Variants in ARFGEF1 observed in about 807,000 individuals in gnomAD.
The protein encoded by ARFGEF1 is ARF guanine nucleotide exchange factor 1.
In ARFGEF1, 42 loss-of-function variants were observed where a neutral mutation model predicts 231.0. The observed-to-expected ratio is 0.18, with a 90% CI of 0.14 to 0.24. The LOEUF (loss-of-function observed/expected upper bound fraction) is 0.24. ARFGEF1 is among the 10% of genes least tolerant of loss of function. ARFGEF1 has a pLI of 1.00. For synonymous variants in ARFGEF1, 710 were observed against 732.3 expected (o/e 0.97, Z 0.49); for missense variants, 1,345 against 2,192.0 (o/e 0.61, Z 7.72).
chr8:67,247,920 C>T (rs1840156011), intron 19 of ARFGEF1, among the ~76,000 whole-genome samples: 2 of 149,982 alleles, frequency 1.3e-5, no homozygotes, highest in Admixed American at 1.3e-4. Flanking sequence ...CAACAGTGAA[C>T]AATCTGAGAA....
At chr8:67,275,320 G>C (rs1805268107) in intron 9 of ARFGEF1, among the ~76,000 whole-genome samples, 1 of 151,974 alleles carries the variant, frequency 6.6e-6, no homozygotes, top group African/African-American at 2.4e-5. Flanking sequence ...AATCACGAGA[G>C]ATACTTGACC....
At chr8:67,207,184 C>T (rs1838553221) in intron 34 of ARFGEF1, 1 of 152,186 alleles carries the variant, frequency 6.6e-6, no homozygotes, top group African/African-American at 2.4e-5. Context: ...CATCCATTCA[C>T]TCCCTCATTC....
chr8:67,236,366 ATATATATATATATATAT>A (rs1283789254), intron 22 of ARFGEF1, among the ~76,000 whole-genome samples: 181 of 17,726 alleles, frequency 0.01, 16 homozygotes, highest in African/African-American at 0.028. Flanking sequence ...AAAAAAAAAA[ATATATATATATATATAT>A]ATATATATAT....
In ARFGEF1 at chr8:67,299,205, T is replaced by A; in HGVS notation, c.459+4A>T. The A allele has an allele frequency of 3.3e-6, 5 of 1,521,850 alleles. No homozygotes were observed. Among genetic ancestry groups the A allele is most frequent in the Non-Finnish European group, 4.4e-6 (5 of 1,138,034 alleles). 94.3% of individuals were successfully genotyped at this position (1,521,850 alleles called of 1,614,324 possible). ...ATAACAATTTTACTTTATATAATAATTACCTTTATTATCTGCAGCTGAACT... is the reference window on the plus strand; with the variant it reads ...ATAACAATTTTACTTTATATAATAAATACCTTTATTATCTGCAGCTGAACT... On this transcript the variant is annotated splice_donor_region_variant and intron_variant, in intron 4 of 38. Coordinates refer to ENST00000262215, the MANE Select transcript of ARFGEF1 (RefSeq NM_006421.5).
intron 34 of ARFGEF1, among the ~76,000 whole-genome samples, chr8:67,207,451 A>G (rs1413867491): frequency 1.3e-5 from 2 of 152,234 alleles, no homozygotes; most frequent in Non-Finnish European, 2.9e-5. Flanking sequence ...AGACCTGGAC[A>G]GGGATCCTAA....
Position 67,255,841 on chromosome 8 carries a change from G to A in ARFGEF1, c.2526+1891C>T, listed in dbSNP as rs978173088. ...AAACAGGCACTGTTATGCTAAAGAC[G>A]GGACACTGTTGTGAAGGTAATACTC... On this transcript the variant is annotated intron_variant, in intron 17 of 38. Transcript: ENST00000262215. Among the ~76,000 whole-genome samples, 7 of 152,200 alleles carry A rather than the reference G, an allele frequency of 4.6e-5. No individual in the cohort carries two copies. The South Asian group carries it at 6.2e-4, about 13-fold the overall frequency.
Position 67,211,470 on chromosome 8 carries a change from A to G in ARFGEF1, c.4819+13T>C. 2 of 1,548,996 alleles carry G rather than the reference A, an allele frequency of 1.3e-6. No individual in the cohort carries two copies. Among genetic ancestry groups the G allele is most frequent in the Non-Finnish European group, 1.7e-6 (2 of 1,152,442 alleles). ...AAAACACAAATTTATTTTTATTTAG[A>G]GAAATAACTCACTTGCTGTAGATTT... On this transcript the variant is annotated intron_variant, in intron 34 of 38. Coordinates refer to ENST00000262215, the MANE Select transcript of ARFGEF1 (RefSeq NM_006421.5).
At chr8:67,207,591 G>C (rs965885206) in intron 34 of ARFGEF1, among the ~76,000 whole-genome samples, 6 of 152,216 alleles carry the variant, frequency 3.9e-5, no homozygotes, top group Admixed American at 3.3e-4. Context: ...ACACAACAGA[G>C]AGCAAAGCTA....
Position 67,244,261 on chromosome 8 carries a change from A to C in ARFGEF1, c.2851-3971T>G, listed in dbSNP as rs1391457967. 1.2e-3 allele frequency among the ~76,000 whole-genome samples: 29 copies of C among 24,242 alleles called. 3 individuals are homozygous for C. The highest frequency in any genetic ancestry group is 5.4e-3 in the African/African-American group (22 of 4,062). 15.9% of individuals were successfully genotyped at this position (24,242 alleles called of 152,430 possible). A position where few individuals can be genotyped will look rare whatever the true frequency, so the allele number is the denominator to read the frequency against. ...CCACCTCAAAAAAAAAAAAAAAAAA[A>C]AAAAAAACATTCGACTACTGAGTCT... is the stretch of plus-strand genomic sequence containing the variant. On this transcript the variant is annotated intron_variant, in intron 19 of 38. Coordinates refer to ENST00000262215, the MANE Select transcript of ARFGEF1 (RefSeq NM_006421.5).
At chr8:67,194,502 T>C (rs1837326313), downstream of ARFGEF1, among the ~76,000 whole-genome samples, 2 of 152,186 alleles carry the variant, frequency 1.3e-5, no homozygotes, top group African/African-American at 4.8e-5. Flanking sequence ...GGCATTTTCT[T>C]TTAGACCCAA....
At chr8:67,305,399 T>A (rs1013824285) in intron 1 of ARFGEF1, among the ~76,000 whole-genome samples, 1 of 151,882 alleles carries the variant, frequency 6.6e-6, no homozygotes, top group Non-Finnish European at 1.5e-5. Context: ...TCTCTAGTTG[T>A]TTTTGTTTGT....
chr8:67,180,779 T>C (rs932250765), intron 5 of ARFGEF1, among the ~76,000 whole-genome samples: 5 of 152,158 alleles, frequency 3.3e-5, no homozygotes, highest in African/African-American at 1.2e-4. Context: ...TTTATAGTTC[T>C]CTTAATATTT....
chr8:67,174,380 T>A (rs1831110222), downstream of ARFGEF1: 1 of 152,214 alleles, frequency 6.6e-6, no homozygotes, highest in African/African-American at 2.4e-5. Context: ...TTCTTTATAT[T>A]CCAGCAGTGT....
downstream of ARFGEF1, chr8:67,195,799 A>AT (rs869295836): frequency 5.7e-6 from 3 of 529,294 alleles, no homozygotes; most frequent in East Asian, 9.9e-5. Flanking sequence ...TGTATAGATT[A>AT]TTTTTGCACA....
intron 23 of ARFGEF1, 144 bp downstream of exon 23, chr8:67,232,711 T>A (rs1447356589): frequency 1.7e-6 from 1 of 597,642 alleles, no homozygotes; most frequent in East Asian, 3.2e-5. Context: ...TACTTCATCA[T>A]CTAAATCACA....
chr8:67,266,106 CTGA>C lies in ARFGEF1; in HGVS notation c.2020_2022del (p.Ser674del), dbSNP rs2128893671. 6.2e-7 allele frequency: 1 copy of C among 1,613,794 alleles called. No homozygotes were observed. On this transcript the variant is annotated inframe_deletion, in exon 14 of 39. Coordinates refer to ENST00000262215, the MANE Select transcript of ARFGEF1 (RefSeq NM_006421.5). The stretch of plus-strand genomic sequence containing the variant: ...ATCTGTGTACTGTAGCTGCCTATTC[CTGA>C]TGATGATGTTGACTCCAGGGAATTT...
At chr8:67,314,966 C>CT (rs1011532734) in intron 1 of ARFGEF1, among the ~76,000 whole-genome samples, 13 of 152,162 alleles carry the variant, frequency 8.5e-5, no homozygotes, top group African/African-American at 2.9e-4. Context: ...CTTGAGCAAG[C>CT]TGTGATCACA....
At chr8:67,280,309 A>G (rs1805482254) in intron 7 of ARFGEF1, among the ~76,000 whole-genome samples, 1 of 152,226 alleles carries the variant, frequency 6.6e-6, no homozygotes, top group African/African-American at 2.4e-5. Flanking sequence ...ATGATCATCT[A>G]GACTGTATTT....
intron 5 of ARFGEF1, among the ~76,000 whole-genome samples, chr8:67,295,216 A>C (rs1316892290): frequency 6.6e-6 from 1 of 152,182 alleles, no homozygotes; most frequent in Non-Finnish European, 1.5e-5. Flanking sequence ...TGTTGCCAAC[A>C]AGATCCACTG....
Sources: gnomAD v4.1 joint callset for allele counts (sites outside exome capture counted in the v4.1 genomes callset) on GRCh38, gnomAD v4.1.1 for gene constraint, MANE v1.5 for transcripts, NCBI Gene and HGNC (gene_info 2026-07-23, HGNC 2026-07-21) for gene names.